The following CDHR4 variants were observed in gnomAD, a reference collection of about 807,000 sequenced individuals.
CDHR4 encodes cadherin-related family member 4.
In CDHR4, 89 loss-of-function variants were observed where a neutral mutation model predicts 88.4. The observed-to-expected ratio is 1.01, with a 90% CI of 0.85 to 1.20. The LOEUF (loss-of-function observed/expected upper bound fraction) is 1.20. Among genes scored for constraint, CDHR4 ranks in the 50% most tolerant of loss-of-function variants. The pLI, the probability that CDHR4 is intolerant of heterozygous loss-of-function variation, is 0.00. For missense variants in CDHR4, 914 were observed against 1,007.2 expected (o/e 0.91, Z 1.25); for synonymous variants, 368 against 399.2 (o/e 0.92, Z 0.93).
intron 10 of CDHR4, 135 bp downstream of exon 10, chr3:49,794,473 T>C (rs1575345803): frequency 5.9e-6 from 4 of 675,930 alleles, no homozygotes; most frequent in Non-Finnish European, 1.0e-5. Context: ...AAGAGATATA[T>C]CTTCAGGGTC....
Position 49,797,014 on chromosome 3 carries a change from G to A in CDHR4, c.514C>T (p.Gln172Ter). 1 of 1,551,602 alleles carries A rather than the reference G, an allele frequency of 6.4e-7. No individual in the cohort carries two copies. The highest frequency in any genetic ancestry group is 2.4e-5 in the East Asian group (1 of 40,918). ...HGAQMSIISA[Q>*]DLPHFPGPFS... ...GGTCCAGGGAAGTGTGGCAGGTCCT[G>A]GGCACTGATAATGCTCATCTGACAG... Residue 172 changes from glutamine to a stop codon, truncating the protein, a stop_gained, in exon 5 of 19, where the codon CAG becomes TAG. Coordinates refer to ENST00000412678, the MANE Select transcript of CDHR4 (RefSeq NM_001007540.4). LOFTEE classifies it high-confidence loss of function.
rs753916090 is a variant in CDHR4, at chr3:49,792,520, C to T, written c.2086G>A (p.Gly696Ser). Residue 696 changes from glycine (G) to serine (S), a missense_variant, in exon 15 of 19, where the codon GGT (glycine) becomes AGT (serine). Coordinates refer to ENST00000412678, the MANE Select transcript of CDHR4 (RefSeq NM_001007540.4). ...PWFVVVLTAT[G>S]ALLLLALGWL... ...CCTAGGGCCAAGAGGAGAAGAGCAC[C>T]AGTTGCTGTCAACACCACCACAAAC... The T allele has an allele frequency of 6.4e-7, 1 of 1,551,686 alleles. No homozygotes were observed. The highest frequency in any genetic ancestry group is 1.2e-5 in the South Asian group (1 of 84,066).
chr3:49,796,003 C>T lies in CDHR4; in HGVS notation c.650G>A (p.Ser217Asn). 1 of 1,544,166 alleles carries T rather than the reference C, an allele frequency of 6.5e-7. No homozygotes were observed. Among genetic ancestry groups the T allele is most frequent in the African/African-American group, 1.4e-5 (1 of 72,870 alleles). Reference protein sequence around the residue: ...QISVSFGQRQSCQGMVIVKVL... With the variant: ...QISVSFGQRQNCQGMVIVKVL... Reference sequence around the variant, plus strand: ...CTTCACTATCACCATCCCTTGGCAGCTTTGCCTTTGTCCAAAGGACACTGA... The same window carrying T: ...CTTCACTATCACCATCCCTTGGCAGTTTTGCCTTTGTCCAAAGGACACTGA... Residue 217 changes from serine (S) to asparagine (N), a missense_variant, in exon 6 of 19, where the codon AGC becomes AAC. Transcript: ENST00000412678.
chr3:49,800,126 A>G (rs2081340984), upstream of CDHR4, among the ~76,000 whole-genome samples: 1 of 152,170 alleles, frequency 6.6e-6, no homozygotes, highest in African/African-American at 2.4e-5. Flanking sequence ...AGCACCCAGG[A>G]AAATTTGGCC....
At position 49,793,479 on chromosome 3, in the gene CDHR4, C is replaced by T. The variant is rs2081214825; in HGVS notation, c.1623+104G>A. The T allele has an allele frequency of 5.4e-6, 8 of 1,484,042 alleles. No homozygotes were observed. In the East Asian group the frequency reaches 1.2e-4, roughly 23 times the overall value. The allele number at this position is 1,484,042 out of a possible 1,614,324, so 91.9% of individuals were successfully genotyped here. A position where few individuals can be genotyped will look rare whatever the true frequency, so the allele number is the denominator to read the frequency against. On this transcript the variant is annotated intron_variant, in intron 12 of 18. Coordinates refer to ENST00000412678, the MANE Select transcript of CDHR4 (RefSeq NM_001007540.4). ...AGGCCCCACTCTTCTCCAGCCAACT[C>T]GTGGAAGAAACCAAGGCACAGAGTG...
At chr3:49,792,699 A>G in intron 14 of CDHR4, 89 bp from the exon 15 acceptor site, 1 of 1,513,478 alleles carries the variant, frequency 6.6e-7, no homozygotes, top group Non-Finnish European at 8.9e-7. Flanking sequence ...AAGCCACCCC[A>G]CACCCATGAT....
Position 49,794,634 on chromosome 3 carries a change from A to G in CDHR4, c.1253T>C (p.Leu418Pro). The change falls in exon 10 of 19, where the codon CTC becomes CCC. Residue 418 changes from leucine (L) to proline (P), a missense_variant. Physicochemically the swap from Leu to Pro is moderately conservative, Grantham distance 98. Transcript: ENST00000412678. ...GGTCATCTGGGGCTGGCCACCATCG[A>G]GCACCAGGATGGAGGCTGCATGCTG... ...CFQHAASILV[L>P]DGGQPQMTTE... is the part of the protein sequence containing the mutation. 1 of 1,551,032 alleles carries G rather than the reference A, an allele frequency of 6.4e-7. No individual in the cohort carries two copies. The highest frequency in any genetic ancestry group is 8.7e-7 in the Non-Finnish European group (1 of 1,146,828).
chr3:49,796,417 A>G (rs1575349555), intron 5 of CDHR4, among the ~76,000 whole-genome samples: 1 of 151,642 alleles, frequency 6.6e-6, no homozygotes, highest in Non-Finnish European at 1.5e-5. Context: ...GCTCACTGCA[A>G]CCTCCACCCC....
Position 49,793,763 on chromosome 3 carries a change from C to T in CDHR4, c.1483+40G>A. The T allele has an allele frequency of 3.9e-6, 6 of 1,551,620 alleles. No individual in the cohort carries two copies. In the South Asian group the frequency reaches 7.1e-5, roughly 18 times the overall value. On this transcript the variant is annotated intron_variant, in intron 11 of 18. Transcript: ENST00000412678. ...ACAGCTTCAGCCTGCAGGGCCAACT[C>T]TGGCTCCCTGTTTCCATCCCAGCCC...
At chr3:49,791,319 A>G in intron 18 of CDHR4, 122 bp downstream of exon 18, 1 of 1,109,642 alleles carries the variant, frequency 9.0e-7, no homozygotes. Context: ...TCAGGAAAAA[A>G]GCAGATAGAT....
intron 1 of CDHR4, 106 bp downstream of exon 1, chr3:49,799,658 A>T: frequency 7.7e-7 from 1 of 1,296,370 alleles, no homozygotes; most frequent in Non-Finnish European, 1.1e-6. Flanking sequence ...TCAGATTCTT[A>T]CACTTTCCTA....
Position 49,795,778 on chromosome 3 carries a change from G to A in CDHR4, c.711-14C>T, listed in dbSNP as rs374009931. On this transcript the variant is annotated splice_polypyrimidine_tract_variant and intron_variant, in intron 6 of 18. Transcript: ENST00000412678. This position sits in a 1 kb window ranked among gnomAD's most constrained non-coding sequence, Gnocchi z 5.4. ...TGAGCCTGCTCGCTGGACCAAAAGG[G>A]GGGCACTGGTTCCTGCCCATTCCTG... 1 of 1,551,626 alleles carries A rather than the reference G, an allele frequency of 6.4e-7. No homozygotes were observed. Among genetic ancestry groups the A allele is most frequent in the South Asian group, 1.2e-5 (1 of 84,052 alleles).
intron 12 of CDHR4, 51 bp downstream of exon 12, chr3:49,793,532 G>C: frequency 6.5e-7 from 1 of 1,544,226 alleles, no homozygotes; most frequent in Non-Finnish European, 8.7e-7. Context: ...AGGGCAATCT[G>C]AACTCCTGTC....
In CDHR4 at chr3:49,795,507, C is replaced by G; in HGVS notation, c.847+121G>C. 6.7e-7 allele frequency: 1 copy of G among 1,497,006 alleles called. No homozygotes were observed. The allele number at this position is 1,497,006 out of a possible 1,614,324, so 92.7% of individuals were successfully genotyped here. A position where few individuals can be genotyped will look rare whatever the true frequency, so the allele number is the denominator to read the frequency against. Reference sequence around the variant, plus strand: ...GCAAAGGAGGCCGCTGAGCCTGGCCCTCCTGCTGCCTTCTCCAAGACCAGG... The same window carrying G: ...GCAAAGGAGGCCGCTGAGCCTGGCCGTCCTGCTGCCTTCTCCAAGACCAGG... On this transcript the variant is annotated intron_variant, in intron 7 of 18. Coordinates refer to ENST00000412678, the MANE Select transcript of CDHR4 (RefSeq NM_001007540.4). The surrounding 1 kb of genome is among the most constrained non-coding windows in gnomAD (Gnocchi z 5.4).
chr3:49,799,284 G>T lies in CDHR4; in HGVS notation c.203C>A (p.Pro68His), dbSNP rs201721883. ...GGTCCCTTGCCACCTGGCCAAGCTG[G>T]GTGGGTTGAAGAAGGTGGTGGGTGG... ...VQPPTTFFNP[P>H]SLARWQGTYV... Residue 68 changes from proline (P) to histidine (H), a missense_variant, in exon 2 of 19, where the codon CCC becomes CAC. Pro to His is a moderately conservative substitution (Grantham distance 77, BLOSUM62 -2). Coordinates refer to ENST00000412678, the MANE Select transcript of CDHR4 (RefSeq NM_001007540.4). The T allele has an allele frequency of 4.8e-5, 78 of 1,613,738 alleles. No individual in the cohort carries two copies. Among genetic ancestry groups the T allele is most frequent in the Non-Finnish European group, 3.4e-6 (4 of 1,179,796 alleles).
At chr3:49,802,055 T>C (rs1196603664), upstream of CDHR4, among the ~76,000 whole-genome samples, 4 of 152,242 alleles carry the variant, frequency 2.6e-5, no homozygotes, top group African/African-American at 4.8e-5. Flanking sequence ...TCTTTATGTT[T>C]GGCCCTGTCC....
chr3:49,793,560 C>T (rs954354768), intron 12 of CDHR4, 23 bp downstream of exon 12: 7 of 1,550,572 alleles, frequency 4.5e-6, no homozygotes, highest in Non-Finnish European at 6.1e-6. Flanking sequence ...GTATTTATTT[C>T]CAAAGCCTTA....
intron 12 of CDHR4, 102 bp from the exon 13 acceptor site, chr3:49,793,413 G>A: frequency 1.0e-5 from 15 of 1,466,756 alleles, no homozygotes; most frequent in Non-Finnish European, 1.3e-5. Context: ...TAGGCATCAA[G>A]TGATGAAGTC....
At chr3:49,794,101 A>C (rs2081228604) in intron 10 of CDHR4, 95 bp from the exon 11 acceptor site, 1 of 1,268,366 alleles carries the variant, frequency 7.9e-7, no homozygotes, top group South Asian at 1.4e-5. Flanking sequence ...CTGGGGGTCT[A>C]AAGAGTGAGA....
Sources: gnomAD v4.1 joint callset for allele counts (sites outside exome capture counted in the v4.1 genomes callset) on GRCh38, gnomAD v4.1.1 for gene constraint, Gnocchi (gnomAD v3.1) non-coding constraint, MANE v1.5 for transcripts, NCBI Gene and HGNC (gene_info 2026-07-23, HGNC 2026-07-21) for gene names.